Variants in COL27A1 observed in about 807,000 individuals in gnomAD.
COL27A1 encodes collagen alpha-1(XXVII) chain.
In COL27A1, 106 loss-of-function variants were observed where a neutral mutation model predicts 251.3. The ratio of observed to expected loss-of-function variants is 0.42; its 90% CI spans 0.36 to 0.50. COL27A1 has a LOEUF of 0.50. Ranked by LOEUF, COL27A1 falls within the 20% of genes least tolerant of loss-of-function variation. The pLI, the probability that COL27A1 is intolerant of heterozygous loss-of-function variation, is 0.00. For missense variants in COL27A1, 2,325 were observed against 2,522.8 expected, an observed-to-expected ratio of 0.92 and a Z score of 1.68; for synonymous variants, 1,000 against 986.3, an observed-to-expected ratio of 1.01 and a Z score of -0.26.
intron 12 of COL27A1, 97 bp from the exon 13 acceptor site, chr9:114,219,694 C>T: frequency 1.2e-6 from 1 of 850,746 alleles, no homozygotes. Flanking sequence ...ACTGCTTGGA[C>T]ATTGTCCTTG....
intron 53 of COL27A1, 42 bp downstream of exon 53, chr9:114,301,361 G>A: frequency 6.2e-7 from 1 of 1,612,610 alleles, no homozygotes; most frequent in Non-Finnish European, 8.5e-7. Context: ...GCACTGCAGG[G>A]GCGGGGGAGG....
intron 21 of COL27A1, 113 bp from the exon 22 acceptor site, chr9:114,242,074 T>C (rs1215095663): frequency 4.3e-6 from 4 of 927,032 alleles, no homozygotes; most frequent in Non-Finnish European, 6.2e-6. Flanking sequence ...TTTCCCTTTG[T>C]CCAGGAGGGC....
chr9:114,310,873 T>C lies in COL27A1; in HGVS notation c.*178T>C. 1.7e-6 allele frequency: 1 copy of C among 585,360 alleles called. No homozygotes were observed. Among genetic ancestry groups the C allele is most frequent in the Non-Finnish European group, 2.9e-6 (1 of 340,030 alleles). The allele number at this position is 585,360 out of a possible 1,614,324, so 36.3% of individuals were successfully genotyped here. On this transcript the variant is annotated 3_prime_UTR_variant, in exon 61 of 61. Transcript: ENST00000356083. The stretch of plus-strand genomic sequence containing the variant: ...GGTGGGGGTAGGAGGGGATAGGGTG[T>C]CCTTGGGAACAATGGATCCCAGCTT...
chr9:114,170,985 G>A (rs764136017), intron 3 of COL27A1, among the ~76,000 whole-genome samples: 12 of 152,306 alleles, frequency 7.9e-5, no homozygotes, highest in South Asian at 2.1e-4. Flanking sequence ...GGAGGAGGCC[G>A]GCCCTCCCTC....
intron 54 of COL27A1, 73 bp from the exon 55 acceptor site, chr9:114,301,609 G>C: frequency 6.5e-7 from 1 of 1,534,864 alleles, no homozygotes; most frequent in East Asian, 2.3e-5. Context: ...AGGTCTGCTT[G>C]AGGAGGGACT....
In COL27A1 at chr9:114,237,600, AG is replaced by A. The variant is rs1447055554; in HGVS notation, c.2674-57del. On this transcript the variant is annotated intron_variant, in intron 18 of 60. Transcript: ENST00000356083. ...CCATCCACAACCAGCGGGGGAACGC[AG>A]GGGGTTCATGGAAGGTGGGGTCCTC... 39 of 1,370,586 alleles carry A rather than the reference AG, an allele frequency of 2.8e-5. No individual in the cohort carries two copies. The East Asian group carries it at 8.9e-4, about 31-fold the overall frequency. 84.9% of individuals were successfully genotyped at this position (1,370,586 alleles called of 1,614,324 possible). A position where few individuals can be genotyped will look rare whatever the true frequency, so the allele number is the denominator to read the frequency against.
intron 28 of COL27A1, 60 bp from the exon 29 acceptor site, chr9:114,264,295 G>T: frequency 1.4e-6 from 2 of 1,388,768 alleles, no homozygotes; most frequent in Non-Finnish European, 1.9e-6. Context: ...CGCCCTCCTG[G>T]TTCTCCGCCC....
At chr9:114,157,972 T>C (rs558298775) in intron 1 of COL27A1, among the ~76,000 whole-genome samples, 2 of 152,314 alleles carry the variant, frequency 1.3e-5, no homozygotes, top group East Asian at 3.9e-4. Flanking sequence ...ATTCCCTTCA[T>C]GTTGAATGGG....
At chr9:114,308,701 A>G (rs2131696703) in intron 59 of COL27A1, among the ~76,000 whole-genome samples, 1 of 152,334 alleles carries the variant, frequency 6.6e-6, no homozygotes, top group Admixed American at 6.5e-5. Flanking sequence ...GGTTGGTGGC[A>G]TGAATGCCCA....
chr9:114,197,645 T>TCCCATTAAGCAGATGTG (rs1829246448), intron 7 of COL27A1, among the ~76,000 whole-genome samples: 1 of 152,144 alleles, frequency 6.6e-6, no homozygotes, highest in Non-Finnish European at 1.5e-5. Flanking sequence ...GTGCCAGGGC[T>TCCCATTAAGCAGATGTG]CCTTGCATTA....
In COL27A1 at chr9:114,222,097, G is replaced by GAAA. The variant is rs1831151226; in HGVS notation, c.2422-126_2422-125insAAA. The GAAA allele has an allele frequency of 1.6e-5, 12 of 749,178 alleles. No individual in the cohort carries two copies. The South Asian group carries it at 2.0e-4, about 13-fold the overall frequency. 46.4% of individuals were successfully genotyped at this position (749,178 alleles called of 1,614,324 possible). On this transcript the variant is annotated intron_variant, in intron 13 of 60. Transcript: ENST00000356083. ...GCTCAGGAAAGTCGCTGGAGCCTGT[G>GAAA]GTCAGGAATAAGGAGTGTTCAGCTC...
At chr9:114,263,360 G>T (rs899580961) in intron 28 of COL27A1, among the ~76,000 whole-genome samples, 1 of 151,998 alleles carries the variant, frequency 6.6e-6, no homozygotes, top group South Asian at 2.1e-4. Context: ...GGGGAGTATT[G>T]CGGGCTGATC....
chr9:114,261,163 C>T (rs186591783), intron 28 of COL27A1, among the ~76,000 whole-genome samples: 114 of 152,336 alleles, frequency 7.5e-4, no homozygotes, highest in African/African-American at 2.5e-3. Flanking sequence ...TGCTCATTCC[C>T]GCTTGTTCAT....
intron 27 of COL27A1, among the ~76,000 whole-genome samples, 200 bp downstream of exon 27, chr9:114,253,132 C>T (rs1301344023): frequency 6.6e-6 from 1 of 152,162 alleles, no homozygotes; most frequent in Non-Finnish European, 1.5e-5. Flanking sequence ...TGGTGACACG[C>T]ACTTGTAATC....
Position 114,168,809 on chromosome 9 carries a change from C to G in COL27A1, c.1254C>G (p.Val418=). 1 of 1,614,026 alleles carries G rather than the reference C, an allele frequency of 6.2e-7. No homozygotes were observed. The highest frequency in any genetic ancestry group is 8.5e-7 in the Non-Finnish European group (1 of 1,180,006). Residue 418 remains valine (V), a synonymous_variant, in exon 3 of 61, where the codon GTC becomes GTG. Transcript: ENST00000356083. ...CTTCCCGTCCAGTTCCTGCCAGAGT[C>G]TCCCGTCCCGCAGAGAAGCCCATCC... The part of the protein sequence containing the change: ...PPTSRPVPAR[V]SRPAEKPIQR...
chr9:114,244,327 G>A (rs1832965191), intron 23 of COL27A1, among the ~76,000 whole-genome samples: 1 of 151,632 alleles, frequency 6.6e-6, no homozygotes, highest in South Asian at 2.1e-4. Flanking sequence ...TTTCTTCTGT[G>A]GGCCTCTATA....
At chr9:114,281,915 G>A (rs908726120) in intron 37 of COL27A1, among the ~76,000 whole-genome samples, 3 of 152,178 alleles carry the variant, frequency 2.0e-5, no homozygotes, top group Non-Finnish European at 4.4e-5. Flanking sequence ...AGAGCTCAGT[G>A]CAGAGAGTTG....
chr9:114,309,747 T>C (rs1006858331), intron 60 of COL27A1, among the ~76,000 whole-genome samples: 1 of 152,230 alleles, frequency 6.6e-6, no homozygotes, highest in Non-Finnish European at 1.5e-5. Context: ...CAAGGCTCTT[T>C]CAAAGAAGAT....
In COL27A1 at chr9:114,282,530, G is replaced by T. The variant is rs768845974; in HGVS notation, c.3845G>T (p.Gly1282Val). The T allele has an allele frequency of 1.3e-6, 2 of 1,550,886 alleles. No individual in the cohort carries two copies. ...PGDPGPPGTP[G>V]PKGSRGSLGP... Reference sequence around the variant, plus strand: ...GACCCTGGACCCCCTGGCACTCCAGGCCCTAAAGGGTCCCGGGGCAGCCTG... The same window carrying T: ...GACCCTGGACCCCCTGGCACTCCAGTCCCTAAAGGGTCCCGGGGCAGCCTG... The change falls in exon 39 of 61, where the codon GGC (glycine) becomes GTC (valine). Residue 1282 changes from glycine to valine, a missense_variant. Physicochemically the swap from Gly to Val is moderately radical, Grantham distance 109. Coordinates refer to ENST00000356083, the MANE Select transcript of COL27A1 (RefSeq NM_032888.4).
Sources: allele counts gnomAD v4.1 joint callset (sites outside exome capture counted in the v4.1 genomes callset), GRCh38; gene constraint gnomAD v4.1.1; transcripts MANE v1.5; gene names NCBI Gene and HGNC (gene_info 2026-07-23, HGNC 2026-07-21).